Variants in EML1 observed in about 807,000 individuals in gnomAD.
EML1 encodes echinoderm microtubule-associated protein-like 1.
A neutral mutation model predicts 110.4 loss-of-function variants in EML1; 27 were observed. The observed-to-expected ratio is 0.24, with a 90% CI of 0.18 to 0.34. EML1 has a LOEUF of 0.34. Among genes scored for constraint, EML1 ranks in the 10% least tolerant of loss-of-function variants. The pLI, the probability that EML1 is intolerant of heterozygous loss-of-function variation, is 1.00. For missense variants in EML1, 741 were observed against 1,030.9 expected, an observed-to-expected ratio of 0.72 and a Z score of 3.85; for synonymous variants, 344 against 385.8, an observed-to-expected ratio of 0.89 and a Z score of 1.27.
At chr14:99,744,360 T>C (rs1452201334) in intron 1 of EML1, among the ~76,000 whole-genome samples, 1 of 152,152 alleles carries the variant, frequency 6.6e-6, no homozygotes, top group African/African-American at 2.4e-5. Flanking sequence ...AAGAGAGAGA[T>C]GGCGACACAG....
At chr14:99,920,443 C>T (rs1036844397) in intron 16 of EML1, among the ~76,000 whole-genome samples, 1 of 152,236 alleles carries the variant, frequency 6.6e-6, no homozygotes, top group African/African-American at 2.4e-5. Flanking sequence ...GGTGGTCCTT[C>T]ACTGCTTCCT....
At chr14:99,841,737 T>C (rs1452081324) in intron 1 of EML1, among the ~76,000 whole-genome samples, 1 of 152,172 alleles carries the variant, frequency 6.6e-6, no homozygotes, top group Admixed American at 6.6e-5. Context: ...CCACTGGGTG[T>C]TCAGTTTTCC....
chr14:99,838,670 T>C (rs538683286), intron 1 of EML1, among the ~76,000 whole-genome samples: 1 of 152,234 alleles, frequency 6.6e-6, no homozygotes, highest in African/African-American at 2.4e-5. Flanking sequence ...TCCCAGAGCC[T>C]GGTGAGCCAC....
At chr14:99,792,153 C>G (rs893108064), upstream of EML1, among the ~76,000 whole-genome samples, 7 of 152,356 alleles carry the variant, frequency 4.6e-5, no homozygotes, top group African/African-American at 1.4e-4. Flanking sequence ...CCCTCACCTG[C>G]CATCTACTGA....
chr14:99,870,990 T>C (rs1268326356), intron 3 of EML1, among the ~76,000 whole-genome samples: 1 of 152,082 alleles, frequency 6.6e-6, no homozygotes, highest in Non-Finnish European at 1.5e-5. Context: ...ACAGTCTTGC[T>C]CTGTCACCCA....
At chr14:99,860,548 C>T (rs919187328) in intron 2 of EML1, among the ~76,000 whole-genome samples, 7 of 152,162 alleles carry the variant, frequency 4.6e-5, no homozygotes, top group African/African-American at 1.2e-4. Context: ...CTTACCGCAG[C>T]GAGCTTTCTT....
At chr14:99,911,216 A>G (rs911537756) in intron 12 of EML1, among the ~76,000 whole-genome samples, 3 of 152,164 alleles carry the variant, frequency 2.0e-5, no homozygotes, top group Admixed American at 6.5e-5. Flanking sequence ...TCAACAATGC[A>G]TATTTTCCTT....
chr14:99,753,744 T>C (rs2057211225), intron 1 of EML1, among the ~76,000 whole-genome samples: 1 of 152,208 alleles, frequency 6.6e-6, no homozygotes, highest in African/African-American at 2.4e-5. Flanking sequence ...TATTTCTCTG[T>C]TGCTGCTTGT....
At chr14:99,919,437 C>CACAT (rs1566937866) in intron 16 of EML1, among the ~76,000 whole-genome samples, 2 of 75,702 alleles carry the variant, frequency 2.6e-5, no homozygotes, top group African/African-American at 7.2e-5. Flanking sequence ...CACACACACA[C>CACAT]ACACACACAC....
chr14:99,760,537 A>T (rs2057304540), intron 1 of EML1, among the ~76,000 whole-genome samples: 1 of 152,220 alleles, frequency 6.6e-6, no homozygotes, highest in Non-Finnish European at 1.5e-5. Context: ...AACGACTTTT[A>T]GACTTTCATG....
chr14:99,821,025 T>C (rs1310182127), intron 1 of EML1, among the ~76,000 whole-genome samples: 1 of 117,290 alleles, frequency 8.5e-6, no homozygotes, highest in Admixed American at 7.6e-5. Flanking sequence ...TACATTTACT[T>C]TTTTTTTTTT....
At chr14:99,935,735 A>G (rs2060457020) in intron 17 of EML1, among the ~76,000 whole-genome samples, 1 of 143,602 alleles carries the variant, frequency 7.0e-6, no homozygotes, top group Non-Finnish European at 1.5e-5. Context: ...GTGAGTCGAG[A>G]TCGCACCACT....
At position 99,785,015 on chromosome 14, in the gene EML1, T is replaced by A. The variant is rs75140440; in HGVS notation, c.-27+11002T>A. ...GAAGGACCCTGAAAGCCAGTCTGCA[T>A]GGTTAGGACTTCGCTATGTAGGCTT... On this transcript the variant is annotated intron_variant, in intron 1 of 22. Transcript: ENST00000327921. Among the ~76,000 whole-genome samples, 342 of 152,266 alleles carry A rather than the reference T, an allele frequency of 2.2e-3. 3 individuals carry two copies. Among genetic ancestry groups the A allele is most frequent in the African/African-American group, 7.9e-3 (327 of 41,566 alleles).
intron 17 of EML1, among the ~76,000 whole-genome samples, chr14:99,924,419 T>A (rs926186702): frequency 2.6e-5 from 4 of 152,226 alleles, no homozygotes; most frequent in Admixed American, 2.6e-4. Context: ...GTACTATGTT[T>A]CTTCCTATAT....
At chr14:99,838,444 T>G (rs2139795262) in intron 1 of EML1, among the ~76,000 whole-genome samples, 1 of 152,332 alleles carries the variant, frequency 6.6e-6, no homozygotes, top group African/African-American at 2.4e-5. Context: ...CAAGTGAAAG[T>G]TGCAATAGTC....
intron 1 of EML1, among the ~76,000 whole-genome samples, chr14:99,818,480 C>T (rs2058206710): frequency 1.3e-5 from 2 of 152,104 alleles, no homozygotes; most frequent in South Asian, 4.2e-4. Context: ...GTCAAAGATA[C>T]ACCAAGATTT....
intron 12 of EML1, among the ~76,000 whole-genome samples, chr14:99,910,868 T>C (rs950363900): frequency 1.9e-4 from 29 of 152,178 alleles, no homozygotes; most frequent in African/African-American, 6.5e-4. Context: ...TATGAGCACT[T>C]ACCCCGTGAC....
At chr14:99,766,282 C>T (rs1357191121) in intron 1 of EML1, among the ~76,000 whole-genome samples, 1 of 150,794 alleles carries the variant, frequency 6.6e-6, no homozygotes. Context: ...GCAACCTCTG[C>T]CTTGTGGGTT....
At position 99,901,940 on chromosome 14, in the gene EML1, C is replaced by A. The variant is rs2059770715; in HGVS notation, c.1008+901C>A. On this transcript the variant is annotated intron_variant, in intron 9 of 21. Transcript: ENST00000262233. ...AATGCCTCTGACATTTCTCCCCTCCCTTTTATAAGAGAATCCTTAATCCTA... is the reference window on the plus strand; with the variant it reads ...AATGCCTCTGACATTTCTCCCCTCCATTTTATAAGAGAATCCTTAATCCTA... 3.3e-5 allele frequency among the ~76,000 whole-genome samples: 5 copies of A among 152,270 alleles called. No individual in the cohort carries two copies. In the South Asian group the frequency reaches 1.0e-3, roughly 32 times the overall value.
Sources: gnomAD v4.1 joint callset for allele counts (sites outside exome capture counted in the v4.1 genomes callset) on GRCh38, gnomAD v4.1.1 for gene constraint, MANE v1.5 for transcripts, NCBI Gene and HGNC (gene_info 2026-07-23, HGNC 2026-07-21) for gene names.